FRMD3: variants seen among roughly 807,000 people sequenced by gnomAD.
The protein encoded by FRMD3 is FERM domain-containing protein 3.
A neutral mutation model predicts 70.2 loss-of-function variants in FRMD3; 33 were observed. That is an observed-to-expected ratio of 0.47 (90% CI 0.36 to 0.63). The LOEUF (loss-of-function observed/expected upper bound fraction) is 0.63, where lower values mean the gene tolerates loss of function less well. FRMD3 is among the 20% of genes least tolerant of loss of function. FRMD3 has a pLI of 0.00. For missense variants in FRMD3, 632 were observed against 711.4 expected, an observed-to-expected ratio of 0.89 and a Z score of 1.27; for synonymous variants, 279 against 255.9, an observed-to-expected ratio of 1.09 and a Z score of -0.86.
chr9:83,526,352 G>A (rs369912523), intron 1 of FRMD3, among the ~76,000 whole-genome samples: 91 of 152,194 alleles, frequency 6.0e-4, no homozygotes, highest in African/African-American at 2.1e-3. Flanking sequence ...GAATGGCATC[G>A]CCATTACCCA....
At chr9:83,342,833 CA>C (rs2131162877) in intron 5 of FRMD3, among the ~76,000 whole-genome samples, 1 of 152,310 alleles carries the variant, frequency 6.6e-6, no homozygotes, top group Non-Finnish European at 1.5e-5. Context: ...TTAGGCCTCT[CA>C]CCTAGCATTT....
chr9:83,287,939 T>A (rs1834281522), intron 13 of FRMD3, among the ~76,000 whole-genome samples: 1 of 152,242 alleles, frequency 6.6e-6, no homozygotes, highest in South Asian at 2.1e-4. Flanking sequence ...CACAGGAACT[T>A]GGACATGGTA....
chr9:83,428,320 G>A (rs1046918643), intron 1 of FRMD3, among the ~76,000 whole-genome samples: 2 of 151,468 alleles, frequency 1.3e-5, no homozygotes, highest in Non-Finnish European at 2.9e-5. Flanking sequence ...AGAAGTTGCA[G>A]TGAGCCGAGA....
At chr9:83,520,770 C>T (rs1373267255) in intron 1 of FRMD3, among the ~76,000 whole-genome samples, 1 of 152,006 alleles carries the variant, frequency 6.6e-6, no homozygotes, top group Non-Finnish European at 1.5e-5. Context: ...CAATTGCTTA[C>T]ATCAGACCCT....
chr9:83,269,282 CAAA>C, intron 13 of FRMD3, among the ~76,000 whole-genome samples: 1 of 152,288 alleles, frequency 6.6e-6, no homozygotes, highest in South Asian at 2.1e-4. Context: ...TCACTTGAAA[CAAA>C]CAGACCTTCC....
intron 5 of FRMD3, among the ~76,000 whole-genome samples, chr9:83,342,717 TAGATA>T (rs1823810431): frequency 6.8e-6 from 1 of 147,318 alleles, no homozygotes; most frequent in Admixed American, 6.8e-5. Flanking sequence ...GATAGATAGA[TAGATA>T]GATAGATAGA....
intron 1 of FRMD3, among the ~76,000 whole-genome samples, chr9:83,420,046 T>G (rs1826585792): frequency 6.6e-6 from 1 of 152,206 alleles, no homozygotes; most frequent in South Asian, 2.1e-4. Flanking sequence ...CTCCAATTTT[T>G]CTTTATAAAA....
intron 1 of FRMD3, among the ~76,000 whole-genome samples, chr9:83,519,169 G>C (rs1330266741): frequency 6.6e-6 from 1 of 152,200 alleles, no homozygotes; most frequent in African/African-American, 2.4e-5. Context: ...AAGCGCTTCT[G>C]CATAGCAAAA....
intron 1 of FRMD3, among the ~76,000 whole-genome samples, chr9:83,507,718 A>ATC (rs1829228944): frequency 9.5e-6 from 1 of 105,648 alleles, no homozygotes; most frequent in Admixed American, 9.9e-5. Flanking sequence ...ATATATATAT[A>ATC]TATATATATA....
chr9:83,445,320 C>A (rs900505679), intron 1 of FRMD3, among the ~76,000 whole-genome samples: 19 of 151,038 alleles, frequency 1.3e-4, no homozygotes, highest in Non-Finnish European at 2.9e-5. Context: ...GGTGACAGAG[C>A]TAGACCCTAT....
chr9:83,545,501 G>A, the FRMD3 span, among the ~76,000 whole-genome samples: 6 of 151,394 alleles, frequency 4.0e-5, no homozygotes, highest in African/African-American at 1.5e-4. Context: ...AGGACTACAA[G>A]CGCCCACCAC....
chr9:83,274,446 A>G (rs987840324), intron 13 of FRMD3, among the ~76,000 whole-genome samples: 3 of 152,238 alleles, frequency 2.0e-5, no homozygotes, highest in Admixed American at 2.0e-4. Context: ...ATGCCATGTC[A>G]TGTCAAGAGC....
At chr9:83,424,386 C>T (rs927347344) in intron 1 of FRMD3, among the ~76,000 whole-genome samples, 1 of 152,210 alleles carries the variant, frequency 6.6e-6, no homozygotes, top group East Asian at 1.9e-4. Context: ...CAAAAATATA[C>T]AGACCACTGA....
At chr9:83,544,765 C>T in the FRMD3 span, among the ~76,000 whole-genome samples, 1 of 152,178 alleles carries the variant, frequency 6.6e-6, no homozygotes, top group African/African-American at 2.4e-5. Context: ...ACCATACTAA[C>T]GTTATCTATA....
At chr9:83,365,189 G>T (rs957570248) in intron 3 of FRMD3, among the ~76,000 whole-genome samples, 1 of 152,132 alleles carries the variant, frequency 6.6e-6, no homozygotes, top group Non-Finnish European at 1.5e-5. Context: ...ATGCCGTAAA[G>T]AATCTCATTG....
chr9:83,475,840 T>C (rs933857282), intron 1 of FRMD3, among the ~76,000 whole-genome samples: 1 of 152,160 alleles, frequency 6.6e-6, no homozygotes, highest in Admixed American at 6.5e-5. Flanking sequence ...AGAAAGCTAT[T>C]GGGAGGAATA....
intron 12 of FRMD3, chr9:83,297,889 C>T (rs2119014322): frequency 2.1e-6 from 1 of 467,674 alleles, no homozygotes; most frequent in East Asian, 6.9e-5. Context: ...GATGCTTCTC[C>T]AGGCTGGCTT....
intron 1 of FRMD3, among the ~76,000 whole-genome samples, chr9:83,429,654 G>A (rs953833800): frequency 1.3e-5 from 2 of 152,122 alleles, no homozygotes; most frequent in South Asian, 2.1e-4. Context: ...CTGGGCCTTC[G>A]TGAGGCTTCT....
intron 2 of FRMD3, among the ~76,000 whole-genome samples, chr9:83,374,448 G>C (rs1825080265): frequency 6.6e-6 from 1 of 151,998 alleles, no homozygotes; most frequent in African/African-American, 2.4e-5. Flanking sequence ...AAGTCTTTTT[G>C]CTTCTGGCTA....
Sources: allele counts gnomAD v4.1 joint callset (sites outside exome capture counted in the v4.1 genomes callset), GRCh38; gene constraint gnomAD v4.1.1; transcripts MANE v1.5; gene names NCBI Gene and HGNC (gene_info 2026-07-23, HGNC 2026-07-21).